Variants in YTHDF2 observed in about 807,000 individuals in gnomAD.
The protein encoded by YTHDF2 is YTH domain-containing family protein 2.
YTHDF2 carries 2 observed loss-of-function variants against 50.4 expected under a neutral mutation model. The observed-to-expected ratio is 0.04, with a 90% confidence interval of 0.02 to 0.12. The LOEUF is 0.12. Ranked by LOEUF, YTHDF2 falls within the 10% of genes least tolerant of loss-of-function variation. The probability of loss-of-function intolerance (pLI) is 1.00; values close to 1 mark genes in which losing one functional copy is unlikely to be tolerated. For missense variants in YTHDF2, 483 were observed against 722.6 expected (o/e 0.67, Z 3.80); for synonymous variants, 217 against 255.6 (o/e 0.85, Z 1.44).
At chr1:28,750,273 G>A (rs2087931030) in intron 4 of YTHDF2, among the ~76,000 whole-genome samples, 1 of 152,064 alleles carries the variant, frequency 6.6e-6, no homozygotes, top group African/African-American at 2.4e-5. Context: ...ACAGGCATGA[G>A]CCACCATGCC....
chr1:28,737,016 C>G lies in YTHDF2; in HGVS notation c.-105C>G, dbSNP rs2087698079. The G allele has an allele frequency of 6.9e-7, 1 of 1,451,090 alleles. No individual in the cohort carries two copies. Among genetic ancestry groups the G allele is most frequent in the African/African-American group, 1.4e-5 (1 of 69,698 alleles). 89.9% of individuals were successfully genotyped at this position (1,451,090 alleles called of 1,614,324 possible). On this transcript the variant is annotated 5_prime_UTR_variant, in exon 1 of 5. Transcript: ENST00000373812. ...TGCGTCCGCCGAGGCCCCCGAGTGTCAGGGACAAAAGCCTCCGCCTGCTCC... is the reference window on the plus strand; with the variant it reads ...TGCGTCCGCCGAGGCCCCCGAGTGTGAGGGACAAAAGCCTCCGCCTGCTCC...
Position 28,742,579 on chromosome 1 carries a change from A to C in YTHDF2, c.309A>C (p.Ala103=). The C allele has an allele frequency of 1.9e-6, 3 of 1,613,992 alleles. No individual in the cohort carries two copies. The highest frequency in any genetic ancestry group is 2.5e-6 in the Non-Finnish European group (3 of 1,179,958). ...SNGEPHFLPD[A]MFGQPGALGS... ...GAGAGCCCCACTTCCTACCAGATGCAATGTTTGGGCAACCAGGAGCCCTAG... is the reference window on the plus strand; with the variant it reads ...GAGAGCCCCACTTCCTACCAGATGCCATGTTTGGGCAACCAGGAGCCCTAG... The change falls in exon 4 of 5, where the codon GCA becomes GCC. Residue 103 remains alanine (A), a synonymous_variant. Transcript: ENST00000373812.
chr1:28,753,720 T>C (rs1016077802), intron 4 of YTHDF2, among the ~76,000 whole-genome samples: 3 of 151,630 alleles, frequency 2.0e-5, no homozygotes, highest in Non-Finnish European at 2.9e-5. Context: ...TTTTTTTTTT[T>C]TCTGAGACAA....
intron 2 of YTHDF2, 78 bp from the exon 3 acceptor site, chr1:28,738,181 C>G (rs1165935946): frequency 8.6e-7 from 1 of 1,163,982 alleles, no homozygotes; most frequent in East Asian, 2.4e-5. Context: ...AGGTTTTTCT[C>G]TGGTTAGCAT....
intron 4 of YTHDF2, among the ~76,000 whole-genome samples, chr1:28,745,554 C>G (rs376512178): frequency 6.6e-6 from 1 of 151,852 alleles, no homozygotes; most frequent in Non-Finnish European, 1.5e-5. Context: ...GGAGAAACCC[C>G]GTTTCTATTA....
chr1:28,738,228 G>A, intron 2 of YTHDF2, 31 bp from the exon 3 acceptor site: 1 of 1,529,914 alleles, frequency 6.5e-7, no homozygotes, highest in South Asian at 1.1e-5. Context: ...GTAGGATTGG[G>A]ACACTCCTAA....
rs760748199 is a variant in YTHDF2 at position 28,737,686 on chromosome 1, A to G, written c.52+4A>G. On this transcript the variant is annotated splice_donor_region_variant and intron_variant, in intron 2 of 4. Coordinates refer to ENST00000373812, the MANE Select transcript of YTHDF2 (RefSeq NM_016258.3). ...CCAAAAGGTCAAGGAAACAAAGGTA[A>G]GTCCCGCTCCGCCGGTGGCCCTGAG... 1 of 1,610,764 alleles carries G rather than the reference A, an allele frequency of 6.2e-7. No individual in the cohort carries two copies. Among genetic ancestry groups the G allele is most frequent in the Non-Finnish European group, 8.5e-7 (1 of 1,178,092 alleles).
chr1:28,768,819 A>T, intron 4 of YTHDF2, 110 bp from the exon 5 acceptor site: 1 of 844,308 alleles, frequency 1.2e-6, no homozygotes, highest in Non-Finnish European at 1.8e-6. Flanking sequence ...TTAATTTTCT[A>T]ATAATTCTAA....
At chr1:28,737,243 C>A (rs2087704454) in intron 1 of YTHDF2, 96 bp downstream of exon 1, 1 of 1,443,224 alleles carries the variant, frequency 6.9e-7, no homozygotes, top group Admixed American at 2.6e-5. Flanking sequence ...CGAGCCGAGC[C>A]GAGGCGTCGT....
chr1:28,740,378 C>T (rs1045503987), intron 3 of YTHDF2: 6 of 152,162 alleles, frequency 3.9e-5, no homozygotes, highest in Admixed American at 3.9e-4. Flanking sequence ...ATATTAAGTG[C>T]ATTTGATTTT....
At chr1:28,761,896 A>G (rs1440342470) in intron 4 of YTHDF2, among the ~76,000 whole-genome samples, 1 of 152,160 alleles carries the variant, frequency 6.6e-6, no homozygotes, top group Non-Finnish European at 1.5e-5. Flanking sequence ...AACTGATGAA[A>G]AATACTTTGT....
At chr1:28,761,390 G>A (rs994575971) in intron 4 of YTHDF2, among the ~76,000 whole-genome samples, 3 of 151,932 alleles carry the variant, frequency 2.0e-5, no homozygotes, top group African/African-American at 7.3e-5. Flanking sequence ...CTCCTCCTTT[G>A]GCCTCTCAAA....
At chr1:28,738,441 T>G (rs530825659) in intron 3 of YTHDF2, 103 bp downstream of exon 3, 49 of 1,115,876 alleles carry the variant, frequency 4.4e-5, no homozygotes, top group East Asian at 4.3e-4. Flanking sequence ...TTTTTTTTCT[T>G]TTTTCTGTTT....
At chr1:28,761,521 T>TGA (rs1312891002) in intron 4 of YTHDF2, among the ~76,000 whole-genome samples, 1 of 152,162 alleles carries the variant, frequency 6.6e-6, no homozygotes, top group African/African-American at 2.4e-5. Context: ...GTGGATCACC[T>TGA]GAGGTTGGGA....
intron 4 of YTHDF2, among the ~76,000 whole-genome samples, chr1:28,747,468 A>G (rs1021654093): frequency 9.4e-5 from 14 of 149,230 alleles, no homozygotes; most frequent in African/African-American, 3.4e-4. Flanking sequence ...TACTACTTGC[A>G]GTGGGCTGAG....
At chr1:28,762,414 C>T (rs539214952) in intron 4 of YTHDF2, among the ~76,000 whole-genome samples, 73 of 152,104 alleles carry the variant, frequency 4.8e-4, no homozygotes, top group African/African-American at 1.6e-3. Context: ...AATGAGACTC[C>T]GTCTCAAAGA....
In YTHDF2 at chr1:28,749,179, CTTTTTTT is replaced by C. The variant is rs60729215; in HGVS notation, c.1716+5210_1716+5216del. ...AACAGTTAAGAGCCTTTCTTTCTTC[CTTTTTTT>C]TTTTTTTTTTTTTTTTGATACGGGA... On this transcript the variant is annotated intron_variant, in intron 4 of 4. Coordinates refer to ENST00000373812, the MANE Select transcript of YTHDF2 (RefSeq NM_016258.3). Among the ~76,000 whole-genome samples the C allele has an allele frequency of 6.1e-4, 66 of 107,428 alleles. 1 individual carries two copies. The highest frequency in any genetic ancestry group is 9.5e-4 in the Non-Finnish European group (53 of 56,072). 70.5% of individuals were successfully genotyped at this position (107,428 alleles called of 152,430 possible).
chr1:28,741,586 G>A (rs1029132085), intron 3 of YTHDF2, among the ~76,000 whole-genome samples: 3 of 152,138 alleles, frequency 2.0e-5, no homozygotes, highest in Admixed American at 1.3e-4. Flanking sequence ...GAGCCACTGC[G>A]CCTGGCCATA....
At chr1:28,751,157 C>T (rs527737217) in intron 4 of YTHDF2, among the ~76,000 whole-genome samples, 4 of 145,148 alleles carry the variant, frequency 2.8e-5, no homozygotes, top group Non-Finnish European at 4.5e-5. Context: ...ACTCAGGAGG[C>T]TGAGGCAGGA....
Sources: allele counts gnomAD v4.1 joint callset (sites outside exome capture counted in the v4.1 genomes callset), GRCh38; gene constraint gnomAD v4.1.1; transcripts MANE v1.5; gene names NCBI Gene and HGNC (gene_info 2026-07-23, HGNC 2026-07-21).